Variants in TACR1 observed in about 807,000 individuals in gnomAD.
The protein encoded by TACR1 is substance-P receptor.
Under a neutral mutation model 35.8 loss-of-function variants are expected in TACR1, and 25 were observed. That is an observed-to-expected ratio of 0.70 (90% CI 0.51 to 0.98). The LOEUF is 0.98. Ranked by LOEUF, TACR1 falls within the 50% of genes least tolerant of loss-of-function variation. The pLI is 0.00. For missense variants in TACR1, 478 were observed against 522.9 expected (o/e 0.91, Z 0.84); for synonymous variants, 195 against 206.7 (o/e 0.94, Z 0.48).
intron 1 of TACR1, among the ~76,000 whole-genome samples, chr2:75,166,331 GAATGA>G (rs1333677729): frequency 6.6e-6 from 1 of 152,034 alleles, no homozygotes; most frequent in African/African-American, 2.4e-5. Flanking sequence ...AACAAACATA[GAATGA>G]TGAAATTATA....
At chr2:75,122,958 G>C (rs764596879) in intron 1 of TACR1, among the ~76,000 whole-genome samples, 2 of 152,064 alleles carry the variant, frequency 1.3e-5, no homozygotes, top group African/African-American at 2.4e-5. Flanking sequence ...CCTGACAGTG[G>C]TGGAGCCCTG....
In TACR1 at chr2:75,113,038, T is replaced by C. The variant is rs72918557; in HGVS notation, c.584+7536A>G. Among the ~76,000 whole-genome samples the C allele has an allele frequency of 3.1e-3, 465 of 152,332 alleles. 2 individuals carry two copies. Among genetic ancestry groups the C allele is most frequent in the African/African-American group, 0.011 (438 of 41,578 alleles). Reference sequence around the variant, plus strand: ...CCATAATAAATGAGCAAGATTTCCATATTGTTCTGTGCTCTTGAAGAGCTT... The same window carrying C: ...CCATAATAAATGAGCAAGATTTCCACATTGTTCTGTGCTCTTGAAGAGCTT... On this transcript the variant is annotated intron_variant, in intron 2 of 4. Coordinates refer to ENST00000305249, the MANE Select transcript of TACR1 (RefSeq NM_001058.4).
chr2:75,129,845 C>T (rs772529638), intron 1 of TACR1, among the ~76,000 whole-genome samples: 50 of 151,980 alleles, frequency 3.3e-4, no homozygotes, highest in African/African-American at 1.2e-3. Context: ...TAATTTTGGC[C>T]GCAGAAAACT....
Position 75,053,637 on chromosome 2 carries a change from G to C in TACR1, c.703C>G (p.Arg235Gly), listed in dbSNP as rs774156041. Residue 235 changes from arginine (R) to glycine (G), a missense_variant, in exon 3 of 5, where the codon CGC (arginine) becomes GGC (glycine). Coordinates refer to ENST00000305249, the MANE Select transcript of TACR1 (RefSeq NM_001058.4). ...ASEIPGDSSD[R>G]YHEQVSAKRK... The stretch of plus-strand genomic sequence containing the variant: ...TTGGCAGAGACTTGCTCGTGGTAGC[G>C]GTCAGAGGAGTCCCCGGGGATCTCA... The C allele has an allele frequency of 2.5e-6, 4 of 1,590,508 alleles. No individual in the cohort carries two copies. The highest frequency in any genetic ancestry group is 3.4e-6 in the Non-Finnish European group (4 of 1,168,208).
intron 2 of TACR1, among the ~76,000 whole-genome samples, chr2:75,063,092 G>C (rs1252427260): frequency 6.6e-6 from 1 of 152,194 alleles, no homozygotes; most frequent in Non-Finnish European, 1.5e-5. Context: ...ATCAGATCTT[G>C]TGAGACTTAC....
intron 1 of TACR1, among the ~76,000 whole-genome samples, chr2:75,153,949 G>A (rs1674736061): frequency 6.6e-6 from 1 of 152,092 alleles, no homozygotes; most frequent in Non-Finnish European, 1.5e-5. Context: ...TTTATTCAGG[G>A]TGTGGGACTG....
chr2:75,151,750 C>G (rs1558570825), intron 1 of TACR1, among the ~76,000 whole-genome samples: 1 of 151,992 alleles, frequency 6.6e-6, no homozygotes, highest in Admixed American at 6.5e-5. Context: ...AGCAGATGCA[C>G]CAACAGCTTG....
intron 2 of TACR1, among the ~76,000 whole-genome samples, chr2:75,103,265 T>C (rs1048383551): frequency 3.3e-5 from 5 of 152,136 alleles, no homozygotes; most frequent in South Asian, 4.1e-4. Context: ...GCAGGAAATA[T>C]ACAAGATGAG....
chr2:75,159,349 A>C (rs755169288), intron 1 of TACR1, among the ~76,000 whole-genome samples: 9 of 152,198 alleles, frequency 5.9e-5, no homozygotes, highest in Non-Finnish European at 1.3e-4. Flanking sequence ...ATAATTATGA[A>C]TTAATTGTAT....
At chr2:75,060,196 G>T (rs1573460008) in intron 2 of TACR1, among the ~76,000 whole-genome samples, 1 of 152,094 alleles carries the variant, frequency 6.6e-6, no homozygotes, top group Non-Finnish European at 1.5e-5. Flanking sequence ...GTGTGCCATG[G>T]GAAGTGGCTG....
intron 1 of TACR1, among the ~76,000 whole-genome samples, chr2:75,168,456 T>G (rs975509479): frequency 1.3e-5 from 2 of 152,166 alleles, no homozygotes; most frequent in Non-Finnish European, 2.9e-5. Flanking sequence ...AGCAGCTGAA[T>G]GGTCACAAAG....
chr2:75,175,720 C>T (rs1043824881), intron 1 of TACR1, among the ~76,000 whole-genome samples: 4 of 152,092 alleles, frequency 2.6e-5, no homozygotes, highest in Non-Finnish European at 4.4e-5. Context: ...AGGGAAACTT[C>T]CCTATCTCAA....
Position 75,048,313 on chromosome 2 carries a change from C to G in TACR1, c.*1119G>C, listed in dbSNP as rs1672398725. 1 of 152,220 alleles carries G rather than the reference C, an allele frequency of 6.6e-6. No individual in the cohort carries two copies. The highest frequency in any genetic ancestry group is 1.5e-5 in the Non-Finnish European group (1 of 68,042). 9.4% of individuals were successfully genotyped at this position (152,220 alleles called of 1,614,324 possible). A position where few individuals can be genotyped will look rare whatever the true frequency, so the allele number is the denominator to read the frequency against. On this transcript the variant is annotated 3_prime_UTR_variant, in exon 5 of 5. Transcript: ENST00000305249. ...ACCCAAAAGGTTAAAGCAGGGAGCCCACATTTGTCTTCTCTGACAGTGTTC... is the reference window on the plus strand; with the variant it reads ...ACCCAAAAGGTTAAAGCAGGGAGCCGACATTTGTCTTCTCTGACAGTGTTC...
At chr2:75,052,559 A>C (rs1672489487) in intron 3 of TACR1, among the ~76,000 whole-genome samples, 1 of 151,558 alleles carries the variant, frequency 6.6e-6, no homozygotes, top group Admixed American at 6.6e-5. Flanking sequence ...GTACCAAAGA[A>C]AAAAAAAAGG....
At chr2:75,154,526 A>ACTCTCT (rs375822745) in intron 1 of TACR1, 11 of 117,214 alleles carry the variant, frequency 9.4e-5, no homozygotes, top group East Asian at 2.8e-4. Flanking sequence ...ACACACACAC[A>ACTCTCT]CTCTCTGAAG....
chr2:75,156,640 A>G (rs557602909), intron 1 of TACR1, among the ~76,000 whole-genome samples: 1 of 151,320 alleles, frequency 6.6e-6, no homozygotes, highest in African/African-American at 2.4e-5. Context: ...TCTACCCAAG[A>G]GTGTCTGGAG....
chr2:75,137,869 A>G (rs73935547), intron 1 of TACR1, among the ~76,000 whole-genome samples: 4,712 of 151,108 alleles, frequency 0.031, 244 homozygotes, highest in African/African-American at 0.11. Context: ...TACTTTCTCT[A>G]TACTCTTAGA....
At chr2:75,102,258 A>G (rs1448656209) in intron 2 of TACR1, among the ~76,000 whole-genome samples, 3 of 152,334 alleles carry the variant, frequency 2.0e-5, no homozygotes, top group East Asian at 1.9e-4. Context: ...CTGCAGACAT[A>G]TGAGACACTC....
intron 1 of TACR1, among the ~76,000 whole-genome samples, chr2:75,159,036 T>C (rs1674937075): frequency 7.4e-6 from 1 of 134,436 alleles, no homozygotes; most frequent in African/African-American, 2.7e-5. Context: ...GGTAAAATAA[T>C]TTTTTATTGG....
Sources: allele counts gnomAD v4.1 joint callset (sites outside exome capture counted in the v4.1 genomes callset), GRCh38; gene constraint gnomAD v4.1.1; transcripts MANE v1.5; gene names NCBI Gene and HGNC (gene_info 2026-07-23, HGNC 2026-07-21).